Variants in GLYR1 observed in about 807,000 individuals in gnomAD.
GLYR1 encodes cytokine-like nuclear factor N-PAC.
A neutral mutation model predicts 72.7 loss-of-function variants in GLYR1; 21 were observed. The ratio of observed to expected loss-of-function variants is 0.29; its 90% confidence interval spans 0.20 to 0.42. GLYR1 has a LOEUF of 0.42. Among genes scored for constraint, GLYR1 ranks in the 10% least tolerant of loss-of-function variants. The pLI is 1.00. For synonymous variants in GLYR1, 392 were observed against 270.2 expected (o/e 1.45, Z -4.42); for missense variants, 594 against 712.1 (o/e 0.83, Z 1.89).
At chr16:4,838,286 T>C (rs1439106145) in intron 3 of GLYR1, among the ~76,000 whole-genome samples, 1 of 152,166 alleles carries the variant, frequency 6.6e-6, no homozygotes, top group Non-Finnish European at 1.5e-5. Flanking sequence ...CTCAGACACC[T>C]CACATCCAGC....
At chr16:4,821,243 T>TACA in intron 9 of GLYR1, 137 bp downstream of exon 9, 1 of 841,514 alleles carries the variant, frequency 1.2e-6, no homozygotes, top group Non-Finnish European at 2.0e-6. Context: ...CGATAAGAGT[T>TACA]ACAACATCCC....
chr16:4,832,140 T>C lies in GLYR1; in HGVS notation c.376A>G (p.Lys126Glu). 6.2e-7 allele frequency: 1 copy of C among 1,614,212 alleles called. No individual in the cohort carries two copies. Among genetic ancestry groups the C allele is most frequent in the East Asian group, 2.2e-5 (1 of 44,884 alleles). The change falls in exon 5 of 16, where the codon AAG (lysine) becomes GAG (glutamate). Residue 126 changes from lysine to glutamate, a missense_variant. By Grantham distance (56) the Lys-to-Glu change is moderately conservative. Transcript: ENST00000321919. ...CCTTCAGACAGGCTAAGTTTGCGCT[T>C]CTCATCACCTGAGTTTGGCCTACTT... is the stretch of plus-strand genomic sequence containing the variant. ...ERSRPNSGDE[K>E]RKLSLSEGKV...
Position 4,813,853 on chromosome 16 carries a change from G to C in GLYR1, c.1018-15C>G, listed in dbSNP as rs1048433592. 6.3e-7 allele frequency: 1 copy of C among 1,599,040 alleles called. No individual in the cohort carries two copies. The highest frequency in any genetic ancestry group is 8.5e-7 in the Non-Finnish European group (1 of 1,170,576). On this transcript the variant is annotated splice_polypyrimidine_tract_variant and intron_variant, in intron 11 of 15. Transcript: ENST00000321919. ...CCCAGCACCAGCTGTGGGGACACAA[G>C]GGAGAAGCAATAGCCCAGGCTCCCG...
intron 10 of GLYR1, among the ~76,000 whole-genome samples, chr16:4,816,845 G>C (rs544875232): frequency 1.3e-5 from 2 of 152,074 alleles, no homozygotes; most frequent in Non-Finnish European, 1.5e-5. Context: ...AAATTAGCCA[G>C]GTGTGGTGGC....
intron 14 of GLYR1, 124 bp from the exon 15 acceptor site, chr16:4,811,418 T>C: frequency 2.2e-6 from 3 of 1,361,962 alleles, no homozygotes; most frequent in South Asian, 1.3e-5. Context: ...CTAGGCCTCT[T>C]GGCTCCTCAC....
chr16:4,845,593 A>C (rs1460269882), intron 2 of GLYR1, among the ~76,000 whole-genome samples: 2 of 152,118 alleles, frequency 1.3e-5, no homozygotes, highest in African/African-American at 4.8e-5. Context: ...CACAGGACAT[A>C]GTGAAAACAA....
At position 4,832,279 on chromosome 16, in the gene GLYR1, C is replaced by A. The variant is rs2084850497; in HGVS notation, c.295-58G>T. On this transcript the variant is annotated intron_variant, in intron 4 of 15. Transcript: ENST00000321919. ...ACCACAGCTGCTGCCGCCATCGCCACCATCATTTACAGGTGCCATGTGCTG... is the reference window on the plus strand; with the variant it reads ...ACCACAGCTGCTGCCGCCATCGCCAACATCATTTACAGGTGCCATGTGCTG... The A allele has an allele frequency of 2.5e-6, 4 of 1,594,552 alleles. No homozygotes were observed. The Admixed American group carries it at 6.7e-5, about 27-fold the overall frequency.
chr16:4,844,811 A>T (rs747736236), intron 3 of GLYR1, among the ~76,000 whole-genome samples: 14 of 152,228 alleles, frequency 9.2e-5, no homozygotes, highest in Non-Finnish European at 1.5e-4. Flanking sequence ...AACATGTGAG[A>T]AACTGTTTCA....
chr16:4,835,622 G>A (rs2085079910), intron 3 of GLYR1, among the ~76,000 whole-genome samples: 2 of 152,160 alleles, frequency 1.3e-5, no homozygotes, highest in Admixed American at 1.3e-4. Flanking sequence ...CCTGAGGTTA[G>A]GAGTTTGAGA....
At chr16:4,842,280 A>G (rs1008520938) in intron 3 of GLYR1, among the ~76,000 whole-genome samples, 1 of 151,690 alleles carries the variant, frequency 6.6e-6, no homozygotes, top group Non-Finnish European at 1.5e-5. Flanking sequence ...AAACAAACAG[A>G]AAAACAAATC....
At chr16:4,836,374 G>T (rs952073870) in intron 3 of GLYR1, among the ~76,000 whole-genome samples, 1 of 152,200 alleles carries the variant, frequency 6.6e-6, no homozygotes, top group South Asian at 2.1e-4. Context: ...GATAGAAGCT[G>T]TAACTTTTGA....
chr16:4,837,936 T>A (rs765647686), intron 3 of GLYR1, among the ~76,000 whole-genome samples: 16 of 68,204 alleles, frequency 2.3e-4, no homozygotes, highest in Admixed American at 4.1e-4. Flanking sequence ...TCTCAAAAAA[T>A]AAATAAATAA....
At chr16:4,822,424 G>C (rs1483736027) in intron 7 of GLYR1, among the ~76,000 whole-genome samples, 3 of 150,708 alleles carry the variant, frequency 2.0e-5, no homozygotes, top group Non-Finnish European at 4.4e-5. Flanking sequence ...AGAGTCTTAC[G>C]CTGTTGCCCA....
At chr16:4,821,674 T>C in intron 7 of GLYR1, 77 bp from the exon 8 acceptor site, 6 of 1,374,538 alleles carry the variant, frequency 4.4e-6, no homozygotes, top group Non-Finnish European at 6.2e-6. Flanking sequence ...CCTCAAAGGT[T>C]AGACCCAAAG....
chr16:4,810,362 T>A (rs1332149475), intron 15 of GLYR1, among the ~76,000 whole-genome samples: 1 of 151,374 alleles, frequency 6.6e-6, no homozygotes, highest in African/African-American at 2.4e-5. Flanking sequence ...CAGGGCGGGT[T>A]GGGGCACGCC....
At chr16:4,807,629 G>A (rs1273383680) in intron 15 of GLYR1, among the ~76,000 whole-genome samples, 1 of 152,042 alleles carries the variant, frequency 6.6e-6, no homozygotes, top group African/African-American at 2.4e-5. Context: ...TGAAAGCAGC[G>A]AGCTGCATTG....
chr16:4,846,355 C>A (rs2086059156), intron 1 of GLYR1, 145 bp from the exon 2 acceptor site: 3 of 855,936 alleles, frequency 3.5e-6, no homozygotes, highest in Admixed American at 3.8e-5. Context: ...GGCCCAACAC[C>A]CTCAGAAGTA....
rs759110934 is a variant in GLYR1, at chr16:4,822,922, C to G, written c.634G>C (p.Asp212His). Residue 212 changes from aspartate (D) to histidine (H), a missense_variant, in exon 7 of 16, where the codon GAT becomes CAT. This residue lies in a region of GLYR1 where 252 missense variants were observed against 211.3 expected (regional missense o/e 1.19). Coordinates refer to ENST00000321919, the MANE Select transcript of GLYR1 (RefSeq NM_032569.4). ...WQPTASEPVKDADPHFHHFLL... is the reference protein window; with the variant it reads ...WQPTASEPVKHADPHFHHFLL... ...AAATGATGGAAATGAGGATCTGCAT[C>G]TTTAACAGGCTGAAACCAGAAAACA... The G allele has an allele frequency of 5.4e-5, 87 of 1,614,030 alleles. No homozygotes were observed. Among genetic ancestry groups the G allele is most frequent in the Admixed American group, 1.0e-4 (6 of 60,010 alleles).
chr16:4,805,155 G>T lies in GLYR1; in HGVS notation c.*81C>A. On this transcript the variant is annotated 3_prime_UTR_variant, in exon 16 of 16. Transcript: ENST00000321919. ...GGAGATAGGTGGGCTGGTCCAGAAT[G>T]AACTCCCAGGCCCCCGACCCCATGT... 8.6e-7 allele frequency: 1 copy of T among 1,167,788 alleles called. No homozygotes were observed. Among genetic ancestry groups the T allele is most frequent in the Non-Finnish European group, 1.3e-6 (1 of 783,332 alleles). 72.3% of individuals were successfully genotyped at this position (1,167,788 alleles called of 1,614,324 possible).
Sources: gnomAD v4.1 joint callset for allele counts (sites outside exome capture counted in the v4.1 genomes callset) on GRCh38, gnomAD v4.1.1 for gene constraint, gnomAD v4.1.1 regional missense constraint, MANE v1.5 for transcripts, NCBI Gene and HGNC (gene_info 2026-07-23, HGNC 2026-07-21) for gene names.